HDAC6: variants seen among roughly 807,000 people sequenced by gnomAD.
HDAC6 encodes the protein protein deacetylase HDAC6.
A neutral mutation model predicts 88.9 loss-of-function variants in HDAC6; 5 were observed. The observed-to-expected ratio is 0.06, with a 90% confidence interval of 0.03 to 0.12. HDAC6 has a LOEUF of 0.12. Ranked by LOEUF, HDAC6 falls within the 10% of genes least tolerant of loss-of-function variation. The pLI is 1.00. For missense variants in HDAC6, 706 were observed against 1,014.4 expected (o/e 0.70, Z 4.13); for synonymous variants, 378 against 398.0 (o/e 0.95, Z 0.60).
intron 20 of HDAC6, 98 bp from the exon 21 acceptor site, chrX:48,817,943 A>T: frequency 2.6e-6 from 2 of 764,437 alleles, no homozygotes; most frequent in Non-Finnish European, 3.9e-6. Flanking sequence ...GGGTCCTGCC[A>T]CTCAGCACTA....
intron 4 of HDAC6, among the ~76,000 whole-genome samples, chrX:48,805,191 C>T (rs782749355): frequency 1.8e-5 from 2 of 111,427 alleles, no homozygotes; most frequent in Non-Finnish European, 3.8e-5. Context: ...CAGAAAGGAC[C>T]GTTGAGGTGG....
chrX:48,802,476 G>C, intron 1 of HDAC6, 187 bp from the exon 2 acceptor site: 1 of 1,068,521 alleles, frequency 9.4e-7, no homozygotes. Flanking sequence ...GGCGGGGCCG[G>C]GTAGAATGGC....
intron 1 of HDAC6, 110 bp from the exon 2 acceptor site, chrX:48,802,553 T>G: frequency 8.9e-7 from 1 of 1,123,667 alleles, no homozygotes; most frequent in Non-Finnish European, 1.2e-6. Context: ...TCAGATCGCG[T>G]AAGGAATGGA....
rs1432355960 is a variant in HDAC6 at position 48,820,201 on chromosome X, C to T, written c.2283C>T (p.His761=). 8.3e-7 allele frequency: 1 copy of T among 1,206,537 alleles called. No homozygotes were observed. Among genetic ancestry groups the T allele is most frequent in the Non-Finnish European group, 1.1e-6 (1 of 893,050 alleles). ...GCQVSPEGYA[H]LTHLLMGLAS... ...AGGTGTCACCTGAGGGTTATGCCCA[C>T]CTCACCCACCTGCTGATGGGCCTTG... The change falls in exon 23 of 29, where the codon CAC becomes CAT. Residue 761 remains histidine (H), a synonymous_variant. Transcript: ENST00000334136.
rs782185203 is a variant in HDAC6 at position 48,823,539 on chromosome X, G to A, written c.3140G>A (p.Ser1047Asn). 67 of 1,208,046 alleles carry A rather than the reference G, an allele frequency of 5.5e-5. No homozygotes were observed. Among genetic ancestry groups the A allele is most frequent in the Middle Eastern group, 2.3e-4 (1 of 4,370 alleles). The change falls in exon 25 of 29, where the codon AGT becomes AAT. Residue 1047 changes from serine (S) to asparagine (N), a missense_variant. Physicochemically the swap from Ser to Asn is conservative, Grantham distance 46 (BLOSUM62 1). This residue lies in a region of HDAC6 where 112 missense variants were observed against 95.1 expected (regional missense o/e 1.18). Transcript: ENST00000334136. ...GGAACTACACCCCAGATATCTCCCA[G>A]TACACTGATTGGGAGTCTCAGGACC... ...VQGTTPQISP[S>N]TLIGSLRTLE...
intron 6 of HDAC6, chrX:48,806,040 C>A: frequency 2.8e-6 from 1 of 359,224 alleles, no homozygotes; most frequent in Non-Finnish European, 4.9e-6. Context: ...AAGCTAGCTT[C>A]CAGAGCAGGT....
chrX:48,818,086 G>A lies in HDAC6; in HGVS notation c.1971G>A (p.Gln657=), dbSNP rs782023893. The A allele has an allele frequency of 3.3e-6, 4 of 1,198,252 alleles. No homozygotes were observed. The highest frequency in any genetic ancestry group is 4.5e-5 in the Admixed American group (2 of 44,125). ...ATGTCCACCACGGTAATGGAACTCA[G>A]CACATGTTTGAGGATGACCCCAGGT... The part of the protein sequence containing the change: ...DWDVHHGNGT[Q]HMFEDDPSVL... Residue 657 remains glutamine, a synonymous_variant, in exon 21 of 29, where the codon CAG becomes CAA. Coordinates refer to ENST00000334136, the MANE Select transcript of HDAC6 (RefSeq NM_006044.4).
intron 6 of HDAC6, 99 bp downstream of exon 6, chrX:48,805,770 C>A: frequency 1.4e-6 from 1 of 716,822 alleles, no homozygotes; most frequent in Non-Finnish European, 2.1e-6. Context: ...GTCTCTGCAG[C>A]CAGCCTTGGG....
intron 14 of HDAC6, 44 bp from the exon 15 acceptor site, chrX:48,815,340 T>C (rs1557027201): frequency 3.3e-6 from 3 of 898,789 alleles, no homozygotes; most frequent in Admixed American, 5.2e-5. Flanking sequence ...TCCCTGGTCA[T>C]GTCTGGTCCT....
rs373502965 is a variant in HDAC6, at chrX:48,823,037, G to A, written c.2638G>A (p.Gly880Arg). ...AAAGAAGGTTCTGGAAGCAGGCATG[G>A]GGAAAGTCACCTCGGCATCATTTGG... ...REKKVLEAGM[G>R]KVTSASFGEE... is the part of the protein sequence containing the mutation. The change falls in exon 25 of 29, where the codon GGG (glycine) becomes AGG (arginine). Residue 880 changes from glycine (G) to arginine (R), a missense_variant. Coordinates refer to ENST00000334136, the MANE Select transcript of HDAC6 (RefSeq NM_006044.4). 8.3e-7 allele frequency: 1 copy of A among 1,209,585 alleles called. No individual in the cohort carries two copies. The highest frequency in any genetic ancestry group is 1.1e-6 in the Non-Finnish European group (1 of 894,987).
chrX:48,814,950 A>G lies in HDAC6; in HGVS notation c.1060-12A>G. The stretch of plus-strand genomic sequence containing the variant: ...TTGCATGGAGCCAGGCTGACCCTCC[A>G]TGTCCCCCCAGGGTGAGATGGCCGC... On this transcript the variant is annotated splice_polypyrimidine_tract_variant and intron_variant, in intron 13 of 28. Coordinates refer to ENST00000334136, the MANE Select transcript of HDAC6 (RefSeq NM_006044.4). 8.3e-7 allele frequency: 1 copy of G among 1,209,464 alleles called. No homozygotes were observed. Among genetic ancestry groups the G allele is most frequent in the Admixed American group, 2.2e-5 (1 of 45,983 alleles).
At position 48,814,720 on chromosome X, in the gene HDAC6, C is replaced by T; in HGVS notation, c.979C>T (p.Leu327=). ...CTACATTGCTGCTTTCCTGCACGTC[C>T]TGCTGCCAGTCGCCCTCGAGGTCCT... is the stretch of plus-strand genomic sequence containing the variant. The part of the protein sequence containing the change: ...ADYIAAFLHV[L]LPVALEFQPQ... The change falls in exon 12 of 29, where the codon CTG becomes TTG. Residue 327 remains leucine, a synonymous_variant. Coordinates refer to ENST00000334136, the MANE Select transcript of HDAC6 (RefSeq NM_006044.4). 8.3e-7 allele frequency: 1 copy of T among 1,211,353 alleles called. No individual in the cohort carries two copies. The highest frequency in any genetic ancestry group is 1.1e-6 in the Non-Finnish European group (1 of 895,250).
intron 19 of HDAC6, chrX:48,816,921 T>G: frequency 3.1e-6 from 1 of 323,829 alleles, no homozygotes; most frequent in Non-Finnish European, 5.3e-6. Context: ...ACCACTGCAC[T>G]CTAGCCTGGG....
chrX:48,805,787 G>A (rs1048446802), intron 6 of HDAC6, 116 bp downstream of exon 6: 5 of 583,257 alleles, frequency 8.6e-6, no homozygotes, highest in East Asian at 3.6e-5. Context: ...TGGGCAAGTC[G>A]CTGAGCCTTT....
intron 1 of HDAC6, 110 bp downstream of exon 1, chrX:48,802,252 G>A: frequency 2.3e-6 from 2 of 879,693 alleles, no homozygotes; most frequent in Non-Finnish European, 2.8e-6. Context: ...GATTATCCCG[G>A]GAGATAGGCC....
chrX:48,820,729 A>T (rs1257889672), intron 23 of HDAC6, among the ~76,000 whole-genome samples: 2 of 112,285 alleles, frequency 1.8e-5, no homozygotes, highest in African/African-American at 6.5e-5. Context: ...CAGTATCCCC[A>T]CGCCCTGTGC....
At chrX:48,824,431 G>C (rs1246079779) in intron 28 of HDAC6, 113 bp from the exon 29 acceptor site, 1 of 1,071,131 alleles carries the variant, frequency 9.3e-7, no homozygotes, top group Non-Finnish European at 1.3e-6. Flanking sequence ...GGCGGGGGCT[G>C]TGGGATAGTC....
At chrX:48,821,433 C>T (rs1341866835) in intron 23 of HDAC6, among the ~76,000 whole-genome samples, 1 of 106,740 alleles carries the variant, frequency 9.4e-6, no homozygotes, top group Non-Finnish European at 1.9e-5. Flanking sequence ...CCTCGTGATC[C>T]ACCTGCCTCA....
In HDAC6 at chrX:48,816,447, T is replaced by G; in HGVS notation, c.1623-18T>G. On this transcript the variant is annotated intron_variant, in intron 18 of 28. Coordinates refer to ENST00000334136, the MANE Select transcript of HDAC6 (RefSeq NM_006044.4). ...ACCCTCCTCACTGTCCTGCGGGTGC[T>G]CCTCTCTGTGCTTCCAGTGCTGAGT... 8.4e-7 allele frequency: 1 copy of G among 1,190,100 alleles called. No homozygotes were observed. Among genetic ancestry groups the G allele is most frequent in the Admixed American group, 2.3e-5 (1 of 43,514 alleles).
Sources: allele counts gnomAD v4.1 joint callset (sites outside exome capture counted in the v4.1 genomes callset), GRCh38; gene constraint gnomAD v4.1.1; regional missense constraint gnomAD v4.1.1; transcripts MANE v1.5; gene names NCBI Gene and HGNC (gene_info 2026-07-23, HGNC 2026-07-21).